KCNAB1: variants seen among roughly 807,000 people sequenced by gnomAD.
KCNAB1 encodes potassium voltage-gated channel subfamily A regulatory beta subunit 1.
A neutral mutation model predicts 64.6 loss-of-function variants in KCNAB1; 35 were observed. That is an observed-to-expected ratio of 0.54 (90% CI 0.41 to 0.72). The LOEUF is 0.72. KCNAB1 is among the 30% of genes least tolerant of loss of function. The probability of loss-of-function intolerance (pLI) is 0.00; values close to 1 mark genes in which losing one functional copy is unlikely to be tolerated. For missense variants in KCNAB1, 401 were observed against 512.9 expected, an observed-to-expected ratio of 0.78 and a Z score of 2.11; for synonymous variants, 177 against 183.8, an observed-to-expected ratio of 0.96 and a Z score of 0.30.
intron 1 of KCNAB1, among the ~76,000 whole-genome samples, chr3:156,368,414 G>A (rs929262019): frequency 2.0e-5 from 3 of 152,128 alleles, no homozygotes; most frequent in African/African-American, 7.2e-5. Context: ...TTTAGAGGAA[G>A]TTTCACTCTT....
intron 1 of KCNAB1, among the ~76,000 whole-genome samples, chr3:156,253,262 A>G (rs994880687): frequency 1.2e-4 from 19 of 152,210 alleles, no homozygotes; most frequent in African/African-American, 4.1e-4. Context: ...TCACCATGTC[A>G]TCTCAGAAAA....
intron 1 of KCNAB1, among the ~76,000 whole-genome samples, chr3:156,307,366 CTTT>C (rs34577217): frequency 3.4e-5 from 5 of 148,272 alleles, no homozygotes; most frequent in Admixed American, 6.7e-5. Context: ...TTCTTTTCAT[CTTT>C]TTTTTTTTTT....
intron 1 of KCNAB1, among the ~76,000 whole-genome samples, chr3:156,167,871 A>G (rs556883744): frequency 6.6e-6 from 1 of 152,248 alleles, no homozygotes; most frequent in South Asian, 2.1e-4. Context: ...ATTAAATGAG[A>G]GGGGTTGGAC....
chr3:156,539,041 T>G (rs1719282738), downstream of KCNAB1: 1 of 152,196 alleles, frequency 6.6e-6, no homozygotes. Context: ...GTTAGTTAGT[T>G]ATGTCCTTAA....
At chr3:156,157,608 T>C (rs934444172) in intron 1 of KCNAB1, among the ~76,000 whole-genome samples, 3 of 152,192 alleles carry the variant, frequency 2.0e-5, no homozygotes, top group Non-Finnish European at 2.9e-5. Context: ...TTTGTTATAT[T>C]TTATTCAGAA....
At chr3:156,483,319 A>C (rs1263014842) in intron 8 of KCNAB1, among the ~76,000 whole-genome samples, 1 of 152,158 alleles carries the variant, frequency 6.6e-6, no homozygotes, top group Non-Finnish European at 1.5e-5. Context: ...CCTTGCACAG[A>C]GGATTTCTGT....
chr3:156,348,999 C>A (rs889073160), intron 1 of KCNAB1, among the ~76,000 whole-genome samples: 2 of 152,146 alleles, frequency 1.3e-5, no homozygotes, highest in Admixed American at 6.5e-5. Context: ...TACTGAAGAA[C>A]GTTATAAGAA....
Position 156,514,413 on chromosome 3 carries a change from C to G in KCNAB1, c.708C>G (p.Tyr236Ter), listed in dbSNP as rs764016431. The change falls in exon 9 of 14, where the codon TAC becomes TAG. Residue 236 changes from tyrosine to a stop codon, truncating the protein, a stop_gained. Coordinates refer to ENST00000490337, the MANE Select transcript of KCNAB1 (RefSeq NM_172160.3). LOFTEE classifies it high-confidence loss of function. ...TGATAAACCAAGGCATGGCGATGTA[C>G]TGGGGCACCTCGAGATGGAGTGCTA... is the stretch of plus-strand genomic sequence containing the variant. ...THVINQGMAM[Y>*]WGTSRWSAME... 6 of 1,614,076 alleles carry G rather than the reference C, an allele frequency of 3.7e-6. No individual in the cohort carries two copies. The highest frequency in any genetic ancestry group is 5.1e-6 in the Non-Finnish European group (6 of 1,179,946).
At chr3:156,430,342 A>G (rs549319676) in intron 2 of KCNAB1, among the ~76,000 whole-genome samples, 1 of 152,192 alleles carries the variant, frequency 6.6e-6, no homozygotes, top group Admixed American at 6.5e-5. Context: ...ACCCATGTGC[A>G]TGCATGCACG....
chr3:156,250,776 G>A (rs1482202825), intron 1 of KCNAB1, among the ~76,000 whole-genome samples: 1 of 149,842 alleles, frequency 6.7e-6, no homozygotes, highest in African/African-American at 2.5e-5. Context: ...ACACCCCAGA[G>A]ATAAAAGAGT....
chr3:156,520,782 A>G (rs1296903942), intron 11 of KCNAB1, among the ~76,000 whole-genome samples: 1 of 152,224 alleles, frequency 6.6e-6, no homozygotes, highest in Non-Finnish European at 1.5e-5. Flanking sequence ...CAACCTCATT[A>G]GTGACTTTGT....
In KCNAB1 at chr3:156,258,786, T is replaced by C. The variant is rs1005925324; in HGVS notation, c.275+137900T>C. Among the ~76,000 whole-genome samples, 10 of 152,324 alleles carry C rather than the reference T, an allele frequency of 6.6e-5. No individual in the cohort carries two copies. In the East Asian group the frequency reaches 1.7e-3, roughly 26 times the overall value. On this transcript the variant is annotated intron_variant, in intron 1 of 13. Transcript: ENST00000490337. Reference sequence around the variant, plus strand: ...CCAAAAACATTAGGACTCCAAGTGCTCTCTCTCCCCTTCCCCCACATGGAA... The same window carrying C: ...CCAAAAACATTAGGACTCCAAGTGCCCTCTCTCCCCTTCCCCCACATGGAA...
chr3:156,426,002 G>A (rs1397649311), intron 2 of KCNAB1, among the ~76,000 whole-genome samples: 2 of 152,184 alleles, frequency 1.3e-5, no homozygotes, highest in African/African-American at 4.8e-5. Flanking sequence ...CCGAGGGGAG[G>A]TACTTGGGGA....
intron 1 of KCNAB1, among the ~76,000 whole-genome samples, chr3:156,419,826 C>CCA (rs1715347628): frequency 6.6e-6 from 1 of 152,212 alleles, no homozygotes; most frequent in African/African-American, 2.4e-5. Flanking sequence ...CCTTGTTCTT[C>CCA]TCTGTATCTC....
chr3:156,401,429 A>AT (rs1453635544), intron 1 of KCNAB1, among the ~76,000 whole-genome samples: 1 of 152,114 alleles, frequency 6.6e-6, no homozygotes, highest in Non-Finnish European at 1.5e-5. Flanking sequence ...TAATTATAGG[A>AT]TTTTTTCCTT....
chr3:156,338,600 C>T (rs183407827), intron 1 of KCNAB1, among the ~76,000 whole-genome samples: 202 of 152,234 alleles, frequency 1.3e-3, no homozygotes, highest in Middle Eastern at 6.8e-3. Context: ...GCGTGAGCCA[C>T]TGCACCTGGC....
At chr3:156,182,501 C>T (rs1252564909) in intron 1 of KCNAB1, among the ~76,000 whole-genome samples, 1 of 152,090 alleles carries the variant, frequency 6.6e-6, no homozygotes, top group Non-Finnish European at 1.5e-5. Context: ...TTATGCCACT[C>T]ATCTCTACTT....
chr3:156,179,704 T>G (rs556939246), intron 1 of KCNAB1, among the ~76,000 whole-genome samples: 2 of 152,222 alleles, frequency 1.3e-5, no homozygotes, highest in Non-Finnish European at 2.9e-5. Flanking sequence ...CCGAAAGTGA[T>G]GAGACTACAT....
At chr3:156,251,499 T>C (rs1488448854) in intron 1 of KCNAB1, among the ~76,000 whole-genome samples, 1 of 152,212 alleles carries the variant, frequency 6.6e-6, no homozygotes, top group Admixed American at 6.5e-5. Flanking sequence ...ATATATTATA[T>C]GGCCAGCAGA....
Sources: gnomAD v4.1 joint callset for allele counts (sites outside exome capture counted in the v4.1 genomes callset) on GRCh38, gnomAD v4.1.1 for gene constraint, MANE v1.5 for transcripts, NCBI Gene and HGNC (gene_info 2026-07-23, HGNC 2026-07-21) for gene names.